The following NTNG1 variants were observed in gnomAD, a reference collection of about 807,000 sequenced individuals.
NTNG1 encodes the protein netrin G1.
In NTNG1, 16 loss-of-function variants were observed where a neutral mutation model predicts 54.0. The ratio of observed to expected loss-of-function variants is 0.30; its 90% CI spans 0.20 to 0.45. The LOEUF (loss-of-function observed/expected upper bound fraction) is 0.45. Among genes scored for constraint, NTNG1 ranks in the 20% least tolerant of loss-of-function variants. The pLI, the probability that NTNG1 is intolerant of heterozygous loss-of-function variation, is 1.00. For missense variants in NTNG1, 530 were observed against 678.7 expected (o/e 0.78, Z 2.43); for synonymous variants, 255 against 263.1 (o/e 0.97, Z 0.30).
At chr1:107,419,623 C>CAAA (rs11370557) in intron 5 of NTNG1, among the ~76,000 whole-genome samples, 7 of 139,336 alleles carry the variant, frequency 5.0e-5, no homozygotes, top group African/African-American at 1.1e-4. Flanking sequence ...CTTCCTTCTT[C>CAAA]AAAAAAAAAA....
intron 2 of NTNG1, among the ~76,000 whole-genome samples, chr1:107,246,704 C>T (rs2101601421): frequency 6.6e-6 from 1 of 152,086 alleles, no homozygotes; most frequent in South Asian, 2.1e-4. Flanking sequence ...AATCTCAGAG[C>T]CCCTGTATAG....
chr1:107,200,982 T>C (rs1570833198), intron 2 of NTNG1, among the ~76,000 whole-genome samples: 1 of 151,928 alleles, frequency 6.6e-6, no homozygotes, highest in Non-Finnish European at 1.5e-5. Context: ...TGTTTGTTTC[T>C]GTTTGCCCTA....
intron 2 of NTNG1, among the ~76,000 whole-genome samples, chr1:107,299,944 A>G (rs1393039829): frequency 6.6e-6 from 1 of 152,200 alleles, no homozygotes; most frequent in Non-Finnish European, 1.5e-5. Flanking sequence ...ACATTTTAAA[A>G]GAGAGATTGT....
At chr1:107,407,225 A>G (rs891929088) in intron 4 of NTNG1, among the ~76,000 whole-genome samples, 1 of 152,148 alleles carries the variant, frequency 6.6e-6, no homozygotes, top group Non-Finnish European at 1.5e-5. Flanking sequence ...CATGCATCTC[A>G]TAACACATTT....
Position 107,480,665 on chromosome 1 carries a change from A to G in NTNG1, c.1445A>G (p.Asn482Ser), listed in dbSNP as rs1224553084. Reference protein sequence around the residue: ...LHCQNGGTCHNNVRCLCPAAY... With the variant: ...LHCQNGGTCHSNVRCLCPAAY... The stretch of plus-strand genomic sequence containing the variant: ...TGCCAGAACGGAGGGACGTGCCACA[A>G]CAACGTGCGCTGCCTGTGCCCGGCC... Residue 482 changes from asparagine to serine, a missense_variant, in exon 8 of 8, where the codon AAC becomes AGC. Physicochemically the swap from Asn to Ser is conservative, Grantham distance 46. Transcript: ENST00000370068. 2 of 1,600,856 alleles carry G rather than the reference A, an allele frequency of 1.2e-6. No individual in the cohort carries two copies. Among genetic ancestry groups the G allele is most frequent in the African/African-American group, 2.7e-5 (2 of 74,256 alleles).
intron 2 of NTNG1, among the ~76,000 whole-genome samples, chr1:107,254,666 G>A (rs1335589385): frequency 6.6e-6 from 1 of 152,114 alleles, no homozygotes; most frequent in Non-Finnish European, 1.5e-5. Flanking sequence ...TTTGTGCAAT[G>A]GGGAATCGTA....
chr1:107,148,473 A>C lies in NTNG1; in HGVS notation c.-121A>C. On this transcript the variant is annotated 5_prime_UTR_variant, in exon 2 of 8. Coordinates refer to ENST00000370068, the MANE Select transcript of NTNG1 (RefSeq NM_001113226.3). ...CCCATCTTCATTTAAAAAAAAATACAGAGACCTACCTACCCGTACGCATAC... is the reference window on the plus strand; with the variant it reads ...CCCATCTTCATTTAAAAAAAAATACCGAGACCTACCTACCCGTACGCATAC... 1.1e-6 allele frequency: 1 copy of C among 909,292 alleles called. No homozygotes were observed. Among genetic ancestry groups the C allele is most frequent in the Non-Finnish European group, 1.7e-6 (1 of 591,940 alleles). 56.3% of individuals were successfully genotyped at this position (909,292 alleles called of 1,614,324 possible). A position where few individuals can be genotyped will look rare whatever the true frequency, so the allele number is the denominator to read the frequency against.
At chr1:107,214,310 A>G (rs1659797573) in intron 2 of NTNG1, among the ~76,000 whole-genome samples, 1 of 152,028 alleles carries the variant, frequency 6.6e-6, no homozygotes, top group Non-Finnish European at 1.5e-5. Flanking sequence ...CCATTGTATC[A>G]TTCTTATACC....
intron 5 of NTNG1, among the ~76,000 whole-genome samples, chr1:107,426,486 G>T (rs1265554485): frequency 6.6e-6 from 1 of 152,024 alleles, no homozygotes. Context: ...TAGGGTATGT[G>T]GCTTTATTGT....
chr1:107,285,488 G>A (rs557854108), intron 2 of NTNG1, among the ~76,000 whole-genome samples: 2 of 152,172 alleles, frequency 1.3e-5, no homozygotes, highest in East Asian at 1.9e-4. Context: ...GAGCTAAGAT[G>A]TGCATGAAAG....
intron 3 of NTNG1, among the ~76,000 whole-genome samples, chr1:107,379,383 G>A (rs1404156557): frequency 2.0e-5 from 3 of 152,160 alleles, no homozygotes; most frequent in Admixed American, 6.5e-5. Context: ...ACTCTCTGAG[G>A]ATCAGGGATC....
chr1:107,460,395 T>C (rs1464539874), intron 7 of NTNG1: 2 of 518,840 alleles, frequency 3.9e-6, no homozygotes, highest in East Asian at 1.1e-4. Context: ...ACAGATAATA[T>C]TTTACCAGGC....
At chr1:107,325,785 T>C (rs1667918582) in intron 3 of NTNG1, among the ~76,000 whole-genome samples, 1 of 151,922 alleles carries the variant, frequency 6.6e-6, no homozygotes, top group African/African-American at 2.4e-5. Context: ...AAAGTAAAGG[T>C]AAGAGCAGAG....
chr1:107,368,969 GC>G (rs1180294571), intron 3 of NTNG1, among the ~76,000 whole-genome samples: 1 of 152,102 alleles, frequency 6.6e-6, no homozygotes, highest in Non-Finnish European at 1.5e-5. Context: ...GTTTCTTCGT[GC>G]CCCAGATCAA....
chr1:107,400,834 G>C (rs1672984482), intron 4 of NTNG1, among the ~76,000 whole-genome samples: 2 of 152,052 alleles, frequency 1.3e-5, no homozygotes, highest in Non-Finnish European at 2.9e-5. Context: ...ATTTTTAGTA[G>C]AGAAAGGGTT....
At chr1:107,405,456 A>G (rs1673353108) in intron 4 of NTNG1, among the ~76,000 whole-genome samples, 1 of 152,172 alleles carries the variant, frequency 6.6e-6, no homozygotes, top group African/African-American at 2.4e-5. Flanking sequence ...CTTAGTGAGA[A>G]AAACAGAATC....
At chr1:107,362,644 G>A (rs905856136) in intron 3 of NTNG1, among the ~76,000 whole-genome samples, 3 of 152,194 alleles carry the variant, frequency 2.0e-5, no homozygotes, top group African/African-American at 7.2e-5. Flanking sequence ...TGATGAAGCA[G>A]AGGTGTGGGC....
chr1:107,163,068 A>G (rs1205592407), intron 2 of NTNG1, among the ~76,000 whole-genome samples: 1 of 152,188 alleles, frequency 6.6e-6, no homozygotes, highest in Non-Finnish European at 1.5e-5. Context: ...TTGTTTGTTC[A>G]GGGGGAATTG....
chr1:107,397,985 C>G (rs1213229374), intron 4 of NTNG1, among the ~76,000 whole-genome samples: 1 of 152,058 alleles, frequency 6.6e-6, no homozygotes, highest in Non-Finnish European at 1.5e-5. Flanking sequence ...TACACACACA[C>G]ACACACTCAC....
Sources: gnomAD v4.1 joint callset for allele counts (sites outside exome capture counted in the v4.1 genomes callset) on GRCh38, gnomAD v4.1.1 for gene constraint, MANE v1.5 for transcripts, NCBI Gene and HGNC (gene_info 2026-07-23, HGNC 2026-07-21) for gene names.